The following ANXA8 variants were observed in gnomAD, a reference collection of about 807,000 sequenced individuals.
ANXA8 encodes VAC-beta.
Under a neutral mutation model 26.8 loss-of-function variants are expected in ANXA8, and 9 were observed. The observed-to-expected ratio is 0.34, with a 90% confidence interval of 0.20 to 0.59. The LOEUF is 0.59. Ranked by LOEUF, ANXA8 falls within the 20% of genes least tolerant of loss-of-function variation. The probability of loss-of-function intolerance (pLI) is 0.84; values close to 1 mark genes in which losing one functional copy is unlikely to be tolerated. For missense variants in ANXA8, 83 were observed against 238.5 expected (o/e 0.35, Z 4.29); for synonymous variants, 39 against 94.8 (o/e 0.41, Z 3.42).
intron 1 of ANXA8, among the ~76,000 whole-genome samples, chr10:47,482,126 G>A (rs1300745386): frequency 5.8e-5 from 8 of 137,194 alleles, no homozygotes; most frequent in Middle Eastern, 3.6e-3. Context: ...CTCCCATCGC[G>A]TTCCTGGCCC....
chr10:47,632,191 C>G, the ANXA8 span, among the ~76,000 whole-genome samples: 1 of 151,056 alleles, frequency 6.6e-6, no homozygotes, highest in Non-Finnish European at 1.5e-5. Context: ...TGATTAGAAC[C>G]GTCTTTCTCA....
chr10:47,569,073 A>C, the ANXA8 span, among the ~76,000 whole-genome samples: 1 of 42,410 alleles, frequency 2.4e-5, no homozygotes, highest in African/African-American at 1.4e-4. Context: ...TTGCAGTGAG[A>C]CGAGATTTCA....
At chr10:47,711,029 A>C in the ANXA8 span, among the ~76,000 whole-genome samples, 22 of 149,910 alleles carry the variant, frequency 1.5e-4, no homozygotes, top group Middle Eastern at 3.4e-3. Context: ...ATTCTGGAGA[A>C]GCTTCTACAA....
At chr10:47,526,409 C>T in the ANXA8 span, among the ~76,000 whole-genome samples, 1 of 137,018 alleles carries the variant, frequency 7.3e-6, no homozygotes, top group Non-Finnish European at 1.5e-5. Flanking sequence ...CCAAACAGAA[C>T]AACATTTTTT....
At chr10:47,721,004 G>A in the ANXA8 span, among the ~76,000 whole-genome samples, 1 of 138,432 alleles carries the variant, frequency 7.2e-6, no homozygotes, top group African/African-American at 2.6e-5. Context: ...AAAAAAAGCT[G>A]GGCATGGTGA....
At chr10:47,918,383 G>GAAAGAAAGAAAGAA in the ANXA8 span, among the ~76,000 whole-genome samples, 2 of 10,502 alleles carry the variant, frequency 1.9e-4, no homozygotes, top group East Asian at 1.3e-3. Flanking sequence ...GAGAGAGAGA[G>GAAAGAAAGAAAGAA]AGAAAGAAAG....
chr10:47,746,848 T>C, the ANXA8 span, among the ~76,000 whole-genome samples: 1 of 97,746 alleles, frequency 1.0e-5, no homozygotes, highest in Non-Finnish European at 2.1e-5. Context: ...GTTCCCTCGT[T>C]GGCTTCACCA....
At chr10:47,692,987 G>A in the ANXA8 span, among the ~76,000 whole-genome samples, 2 of 151,420 alleles carry the variant, frequency 1.3e-5, no homozygotes, top group East Asian at 3.9e-4. Context: ...CGCCCACCTC[G>A]CCCTCCCAAA....
At chr10:47,587,772 T>C in the ANXA8 span, among the ~76,000 whole-genome samples, 4 of 146,500 alleles carry the variant, frequency 2.7e-5, no homozygotes, top group South Asian at 2.1e-4. Context: ...CCAGTGTCAG[T>C]GTGCTGGGAA....
chr10:47,526,501 C>T, the ANXA8 span, among the ~76,000 whole-genome samples: 1 of 132,050 alleles, frequency 7.6e-6, no homozygotes, highest in Non-Finnish European at 1.5e-5. Flanking sequence ...TGAAATAGTC[C>T]CAACTCTCAA....
the ANXA8 span, among the ~76,000 whole-genome samples, chr10:47,668,156 G>T: frequency 1.3e-5 from 2 of 150,358 alleles, no homozygotes; most frequent in Non-Finnish European, 2.9e-5. Context: ...TTGCATAGAT[G>T]CTGAATTATC....
At chr10:47,595,448 T>G in the ANXA8 span, among the ~76,000 whole-genome samples, 3 of 148,728 alleles carry the variant, frequency 2.0e-5, no homozygotes, top group Admixed American at 2.0e-4. Flanking sequence ...AATCCTCCGC[T>G]TAAAAGACAT....
At chr10:47,534,649 A>G in the ANXA8 span, among the ~76,000 whole-genome samples, 3 of 117,766 alleles carry the variant, frequency 2.5e-5, no homozygotes. Flanking sequence ...CTGCCCAGTT[A>G]TAATTTTTTT....
At chr10:47,654,325 G>T in the ANXA8 span, among the ~76,000 whole-genome samples, 1 of 126,492 alleles carries the variant, frequency 7.9e-6, no homozygotes, top group Non-Finnish European at 1.6e-5. Context: ...AAAGGTCAAG[G>T]ATTCTAAGCT....
At chr10:47,975,291 A>G in the ANXA8 span, among the ~76,000 whole-genome samples, 3 of 149,564 alleles carry the variant, frequency 2.0e-5, no homozygotes, top group African/African-American at 7.3e-5. Context: ...ATGTTCAAAG[A>G]AGAAAGTTAT....
chr10:47,944,836 A>G, the ANXA8 span, among the ~76,000 whole-genome samples: 1 of 148,556 alleles, frequency 6.7e-6, no homozygotes, highest in African/African-American at 2.5e-5. Context: ...ATGAGCTAAT[A>G]CATCTCCTGA....
At chr10:47,715,380 A>C in the ANXA8 span, among the ~76,000 whole-genome samples, 1 of 121,292 alleles carries the variant, frequency 8.2e-6, no homozygotes, top group Non-Finnish European at 1.7e-5. Context: ...TGGGAGGTGG[A>C]GGTTTCAGTG....
the ANXA8 span, chr10:47,757,884 A>G: frequency 2.0e-6 from 3 of 1,469,108 alleles, 1 homozygote; most frequent in Non-Finnish European, 2.7e-6. Flanking sequence ...CTGCCAGCTG[A>G]TGCTCAGTGG....
At chr10:47,944,876 C>T in the ANXA8 span, among the ~76,000 whole-genome samples, 1 of 145,500 alleles carries the variant, frequency 6.9e-6, no homozygotes, top group African/African-American at 2.6e-5. Flanking sequence ...CCCCACCCCT[C>T]AACCCTCCTC....
Sources: allele counts gnomAD v4.1 joint callset (sites outside exome capture counted in the v4.1 genomes callset), GRCh38; gene constraint gnomAD v4.1.1; transcripts MANE v1.5; gene names NCBI Gene and HGNC (gene_info 2026-07-23, HGNC 2026-07-21).